The following TMTC2 variants were observed in gnomAD, a reference collection of about 807,000 sequenced individuals.
TMTC2 encodes the protein transmembrane O-mannosyltransferase targeting cadherins 2.
TMTC2 carries 43 observed loss-of-function variants against 82.4 expected under a neutral mutation model. The observed-to-expected ratio is 0.52, with a 90% CI of 0.41 to 0.67. The LOEUF is 0.67. Among genes scored for constraint, TMTC2 ranks in the 30% least tolerant of loss-of-function variants. The probability of loss-of-function intolerance (pLI) is 0.00; values close to 1 mark genes in which losing one functional copy is unlikely to be tolerated. For synonymous variants in TMTC2, 408 were observed against 381.9 expected, an observed-to-expected ratio of 1.07 and a Z score of -0.80; for missense variants, 919 against 1,012.4, an observed-to-expected ratio of 0.91 and a Z score of 1.25.
chr12:82,980,150 A>G (rs1215986583), intron 7 of TMTC2, among the ~76,000 whole-genome samples: 1 of 151,794 alleles, frequency 6.6e-6, no homozygotes, highest in Non-Finnish European at 1.5e-5. Context: ...AATAATTTCA[A>G]TAGGTAGATA....
intron 1 of TMTC2, among the ~76,000 whole-genome samples, chr12:82,753,831 T>C (rs1478006112): frequency 1.3e-5 from 2 of 152,206 alleles, no homozygotes; most frequent in East Asian, 3.9e-4. Flanking sequence ...AGCTTGTGTC[T>C]TATGGTGATG....
chr12:82,999,568 C>G (rs774766854), intron 8 of TMTC2, among the ~76,000 whole-genome samples: 82 of 152,288 alleles, frequency 5.4e-4, no homozygotes, highest in Non-Finnish European at 9.6e-4. Context: ...GCCACAAAAT[C>G]ATGGCGGAAG....
chr12:82,914,857 C>T (rs1224098970), intron 3 of TMTC2, among the ~76,000 whole-genome samples: 2 of 124,656 alleles, frequency 1.6e-5, no homozygotes, highest in African/African-American at 6.4e-5. Context: ...CGGAGTTTCG[C>T]TCTTGTTGCC....
chr12:82,726,895 A>G (rs982145257), intron 1 of TMTC2, among the ~76,000 whole-genome samples: 3 of 151,464 alleles, frequency 2.0e-5, no homozygotes, highest in Non-Finnish European at 4.4e-5. Flanking sequence ...AAAAAAAAAA[A>G]AAAAAGGAAA....
At chr12:83,064,650 T>C (rs1266325868) in intron 11 of TMTC2, among the ~76,000 whole-genome samples, 1 of 151,828 alleles carries the variant, frequency 6.6e-6, no homozygotes, top group Non-Finnish European at 1.5e-5. Context: ...ATTTCTCCCA[T>C]CTAAGTACTA....
chr12:82,957,145 C>T (rs2095161776), intron 4 of TMTC2, among the ~76,000 whole-genome samples: 1 of 152,050 alleles, frequency 6.6e-6, no homozygotes, highest in South Asian at 2.1e-4. Context: ...AAGCAAATCT[C>T]ACTAAATTAA....
chr12:82,726,417 G>T (rs976528159), intron 1 of TMTC2, among the ~76,000 whole-genome samples: 3 of 152,144 alleles, frequency 2.0e-5, no homozygotes, highest in Non-Finnish European at 4.4e-5. Context: ...GACATTCTTT[G>T]TGTTTTTCTT....
intron 1 of TMTC2, among the ~76,000 whole-genome samples, chr12:82,764,979 G>GGGA (rs752323646): frequency 4.0e-5 from 6 of 149,050 alleles, no homozygotes; most frequent in Non-Finnish European, 7.5e-5. Context: ...GTGGGCGGGG[G>GGGA]GGTGACTGCA....
chr12:83,080,148 G>C (rs1334619198), intron 11 of TMTC2, among the ~76,000 whole-genome samples: 6 of 152,154 alleles, frequency 3.9e-5, no homozygotes, highest in Non-Finnish European at 8.8e-5. Flanking sequence ...ATGAAGAACA[G>C]ATGATGGATT....
intron 1 of TMTC2, chr12:82,690,264 T>C (rs1488949305): frequency 2.1e-6 from 1 of 484,718 alleles, no homozygotes; most frequent in East Asian, 1.5e-4. Context: ...AGATTCATGT[T>C]TAAAACATTG....
intron 4 of TMTC2, among the ~76,000 whole-genome samples, chr12:82,932,030 A>T (rs1359635375): frequency 6.6e-6 from 1 of 152,164 alleles, no homozygotes; most frequent in Admixed American, 6.5e-5. Flanking sequence ...CTTGTGTTTA[A>T]TGAATGCTGT....
At chr12:82,851,680 G>A (rs1870983656) in intron 1 of TMTC2, among the ~76,000 whole-genome samples, 1 of 152,230 alleles carries the variant, frequency 6.6e-6, no homozygotes, top group South Asian at 2.1e-4. Flanking sequence ...GTTAACAAAG[G>A]CCAGTCTTTT....
rs575227670 is a variant in TMTC2 at position 82,965,002 on chromosome 12, A to G, written c.1599-22A>G. 80 of 1,580,638 alleles carry G rather than the reference A, an allele frequency of 5.1e-5. No individual in the cohort carries two copies. In the South Asian group the frequency reaches 8.2e-4, roughly 16 times the overall value. Reference sequence around the variant, plus strand: ...ATATAATAATACAGTCCTTTCTCTAAATTTCTGTTTTCCTCATGCAGAGGG... The same window carrying G: ...ATATAATAATACAGTCCTTTCTCTAGATTTCTGTTTTCCTCATGCAGAGGG... On this transcript the variant is annotated intron_variant, in intron 4 of 11. Transcript: ENST00000321196.
At chr12:82,990,589 C>T (rs191589211) in intron 8 of TMTC2, among the ~76,000 whole-genome samples, 14 of 151,988 alleles carry the variant, frequency 9.2e-5, no homozygotes, top group African/African-American at 1.9e-4. Flanking sequence ...TCATTAGTAC[C>T]GGTCTCAGTA....
chr12:83,045,682 G>A (rs902993863), intron 9 of TMTC2, among the ~76,000 whole-genome samples: 2 of 95,462 alleles, frequency 2.1e-5, no homozygotes, highest in Non-Finnish European at 2.0e-5. Flanking sequence ...ATAGCTGGTC[G>A]CTTATAGGGC....
At chr12:82,796,819 A>G (rs1878743132) in intron 1 of TMTC2, among the ~76,000 whole-genome samples, 1 of 152,080 alleles carries the variant, frequency 6.6e-6, no homozygotes, top group Non-Finnish European at 1.5e-5. Context: ...CTTACCAGCT[A>G]CTGGTTATAA....
At chr12:82,806,365 C>G (rs1879241591) in intron 1 of TMTC2, among the ~76,000 whole-genome samples, 1 of 152,058 alleles carries the variant, frequency 6.6e-6, no homozygotes, top group African/African-American at 2.4e-5. Flanking sequence ...TAGTCAAATT[C>G]CTCCAACTTG....
chr12:82,876,599 G>A (rs1872594837), intron 2 of TMTC2, among the ~76,000 whole-genome samples: 1 of 152,036 alleles, frequency 6.6e-6, no homozygotes, highest in Non-Finnish European at 1.5e-5. Flanking sequence ...AACTCATCAG[G>A]CCAAAATCTT....
chr12:82,773,024 T>A (rs1384778065), intron 1 of TMTC2, among the ~76,000 whole-genome samples: 1 of 152,234 alleles, frequency 6.6e-6, no homozygotes, highest in African/African-American at 2.4e-5. Flanking sequence ...TAGTTTGGTA[T>A]TGTCATGAAT....
Sources: gnomAD v4.1 joint callset for allele counts (sites outside exome capture counted in the v4.1 genomes callset) on GRCh38, gnomAD v4.1.1 for gene constraint, MANE v1.5 for transcripts, NCBI Gene and HGNC (gene_info 2026-07-23, HGNC 2026-07-21) for gene names.